The following KIAA1328 variants were observed in gnomAD, a reference collection of about 807,000 sequenced individuals.
KIAA1328 encodes KIAA1328, also known as protein hinderin.
Under a neutral mutation model 68.1 loss-of-function variants are expected in KIAA1328, and 52 were observed. The observed-to-expected ratio is 0.76, with a 90% confidence interval of 0.61 to 0.96. The LOEUF is 0.96. KIAA1328 is among the 40% of genes least tolerant of loss of function. The pLI, the probability that KIAA1328 is intolerant of heterozygous loss-of-function variation, is 0.00. For missense variants in KIAA1328, 641 were observed against 677.6 expected (o/e 0.95, Z 0.60); for synonymous variants, 232 against 239.4 (o/e 0.97, Z 0.28).
chr18:36,963,548 T>G (rs975693757), intron 6 of KIAA1328, among the ~76,000 whole-genome samples: 1 of 152,076 alleles, frequency 6.6e-6, no homozygotes, highest in Non-Finnish European at 1.5e-5. Context: ...AATAAAACTT[T>G]CTCAGGTGTT....
intron 4 of KIAA1328, among the ~76,000 whole-genome samples, chr18:36,877,480 T>C (rs2048168031): frequency 6.6e-6 from 1 of 151,536 alleles, no homozygotes. Context: ...TATCAGAGAA[T>C]AGGATTGCAA....
intron 5 of KIAA1328, among the ~76,000 whole-genome samples, chr18:36,913,201 T>C (rs994385236): frequency 6.6e-6 from 1 of 151,996 alleles, no homozygotes; most frequent in East Asian, 1.9e-4. Context: ...AAACTGGCAG[T>C]GTTTCTGTTT....
intron 4 of KIAA1328, among the ~76,000 whole-genome samples, chr18:36,855,759 TTTC>T (rs1270855330): frequency 6.6e-6 from 1 of 151,906 alleles, no homozygotes; most frequent in African/African-American, 2.4e-5. Context: ...ATCCCTGTGT[TTTC>T]TTCTGTTTTA....
At chr18:37,229,628 G>A (rs1631150), downstream of KIAA1328, 194,534 of 1,164,728 alleles carry the variant, frequency 0.17, 23,720 homozygotes, top group African/African-American at 0.63. Context: ...GTAATCCCAG[G>A]CTTTGGGAGG....
Position 36,939,127 on chromosome 18 carries a change from G to A in KIAA1328, c.449-20181G>A, listed in dbSNP as rs557057283. Among the ~76,000 whole-genome samples the A allele has an allele frequency of 4.6e-5, 7 of 151,998 alleles. No individual in the cohort carries two copies. In the East Asian group the frequency reaches 9.7e-4, roughly 21 times the overall value. On this transcript the variant is annotated intron_variant, in intron 5 of 9. Transcript: ENST00000280020. ...TGTTTTTCCTATTTTTCTGTTTTTCGGAAAAATGACTTGGAATTTTGATAA... is the reference window on the plus strand; with the variant it reads ...TGTTTTTCCTATTTTTCTGTTTTTCAGAAAAATGACTTGGAATTTTGATAA...
chr18:36,933,720 A>G (rs1441538131), intron 5 of KIAA1328, among the ~76,000 whole-genome samples: 8 of 152,164 alleles, frequency 5.3e-5, no homozygotes, highest in Admixed American at 4.6e-4. Flanking sequence ...AAGTACTTAG[A>G]TAGAGCTGCA....
intron 9 of KIAA1328, among the ~76,000 whole-genome samples, chr18:37,187,454 A>G (rs2059825673): frequency 6.6e-6 from 1 of 152,214 alleles, no homozygotes; most frequent in East Asian, 1.9e-4. Flanking sequence ...CTGCATAGCA[A>G]GATAGAAAGC....
At chr18:37,125,614 C>G (rs763086990) in intron 7 of KIAA1328, among the ~76,000 whole-genome samples, 19 of 152,140 alleles carry the variant, frequency 1.2e-4, no homozygotes, top group Non-Finnish European at 2.5e-4. Context: ...TCAGAACAAT[C>G]AAGAAAAGAG....
At chr18:36,922,655 A>G (rs1376101781) in intron 5 of KIAA1328, among the ~76,000 whole-genome samples, 1 of 152,210 alleles carries the variant, frequency 6.6e-6, no homozygotes, top group Non-Finnish European at 1.5e-5. Context: ...GTTTATATTT[A>G]GACCTGGACA....
chr18:37,090,346 T>C (rs1319886700), intron 7 of KIAA1328, among the ~76,000 whole-genome samples: 1 of 152,226 alleles, frequency 6.6e-6, no homozygotes, highest in African/African-American at 2.4e-5. Context: ...CCAAAGAGCC[T>C]GCAAGGTACA....
At chr18:37,097,168 G>T (rs148286587) in intron 7 of KIAA1328, among the ~76,000 whole-genome samples, 22 of 152,280 alleles carry the variant, frequency 1.4e-4, no homozygotes, top group African/African-American at 5.1e-4. Context: ...GTCCTGAATG[G>T]TATTGCCTAG....
chr18:36,895,177 T>C (rs1403506895), intron 5 of KIAA1328, among the ~76,000 whole-genome samples: 2 of 152,224 alleles, frequency 1.3e-5, no homozygotes, highest in Non-Finnish European at 2.9e-5. Context: ...CTTCTTATGG[T>C]TCTTTGGGCA....
At chr18:36,845,882 C>T (rs2047011095) in intron 4 of KIAA1328, among the ~76,000 whole-genome samples, 1 of 151,600 alleles carries the variant, frequency 6.6e-6, no homozygotes, top group African/African-American at 2.4e-5. Flanking sequence ...CCCTCTACTT[C>T]CTACAAAATA....
intron 7 of KIAA1328, among the ~76,000 whole-genome samples, chr18:37,099,133 C>A (rs1384478867): frequency 6.6e-6 from 1 of 152,012 alleles, no homozygotes; most frequent in Non-Finnish European, 1.5e-5. Context: ...AATGTGTTTG[C>A]TCTTGCTTCT....
intron 7 of KIAA1328, among the ~76,000 whole-genome samples, chr18:37,068,416 G>A (rs921208808): frequency 2.6e-5 from 4 of 152,152 alleles, no homozygotes; most frequent in African/African-American, 9.7e-5. Flanking sequence ...TAAGAACAGT[G>A]CTTCAAAAGA....
chr18:36,970,001 C>CA (rs1448837878), intron 6 of KIAA1328, among the ~76,000 whole-genome samples: 1 of 152,100 alleles, frequency 6.6e-6, no homozygotes, highest in East Asian at 1.9e-4. Flanking sequence ...AGAGACACAG[C>CA]AAAAAATGAA....
intron 6 of KIAA1328, among the ~76,000 whole-genome samples, chr18:37,029,488 C>T (rs1239250057): frequency 1.3e-5 from 2 of 152,176 alleles, no homozygotes; most frequent in Admixed American, 1.3e-4. Context: ...ATCCTCCCAC[C>T]TCAGCCTCCT....
At chr18:37,120,138 A>G (rs2058229547) in intron 7 of KIAA1328, among the ~76,000 whole-genome samples, 1 of 152,218 alleles carries the variant, frequency 6.6e-6, no homozygotes. Context: ...GTGTAAAGAC[A>G]ATATAATATG....
chr18:36,987,416 C>T (rs1392574247), intron 6 of KIAA1328, among the ~76,000 whole-genome samples: 1 of 145,688 alleles, frequency 6.9e-6, no homozygotes, highest in Non-Finnish European at 1.5e-5. Flanking sequence ...AGCGCACCAG[C>T]ATGGCACATG....
Sources: gnomAD v4.1 joint callset for allele counts (sites outside exome capture counted in the v4.1 genomes callset) on GRCh38, gnomAD v4.1.1 for gene constraint, MANE v1.5 for transcripts, NCBI Gene and HGNC (gene_info 2026-07-23, HGNC 2026-07-21) for gene names.